DAB2IP: variants seen among roughly 807,000 people sequenced by gnomAD.
DAB2IP encodes DAB2 interacting protein.
In DAB2IP, 28 loss-of-function variants were observed where a neutral mutation model predicts 107.2. The observed-to-expected ratio is 0.26, with a 90% CI of 0.19 to 0.36. DAB2IP has a LOEUF of 0.36. Ranked by LOEUF, DAB2IP falls within the 10% of genes least tolerant of loss-of-function variation. The pLI, the probability that DAB2IP is intolerant of heterozygous loss-of-function variation, is 1.00. For missense variants in DAB2IP, 1,400 were observed against 1,644.7 expected, an observed-to-expected ratio of 0.85 and a Z score of 2.57; for synonymous variants, 755 against 706.4, an observed-to-expected ratio of 1.07 and a Z score of -1.09.
intron 1 of DAB2IP, among the ~76,000 whole-genome samples, chr9:121,669,119 CTGGCCAGGCTGAGTGT>C (rs1229386864): frequency 2.0e-5 from 3 of 151,878 alleles, no homozygotes; most frequent in African/African-American, 4.8e-5. Flanking sequence ...TTTTGCCATG[CTGGCCAGGCTGAGTGT>C]TGGCCAGGCT....
At chr9:121,671,065 C>T (rs935095422) in intron 1 of DAB2IP, among the ~76,000 whole-genome samples, 7 of 152,098 alleles carry the variant, frequency 4.6e-5, no homozygotes, top group Admixed American at 3.9e-4. Flanking sequence ...GCAGGAGAAC[C>T]GCTTGAACCT....
intron 3 of DAB2IP, among the ~76,000 whole-genome samples, chr9:121,741,655 T>A: frequency 6.6e-6 from 1 of 151,860 alleles, no homozygotes; most frequent in African/African-American, 2.4e-5. Context: ...TGCCTGGAAA[T>A]CACTGAGGGT....
rs1372656067 is a variant in DAB2IP at position 121,684,271 on chromosome 9, T to C, written c.228+5490T>C. ...CCCTATACAGAGGAGGGACTGAGAA[T>C]CATAGACGGGAGGGTCCTTTCCTGA... On this transcript the variant is annotated intron_variant, in intron 2 of 15. Coordinates refer to ENST00000408936, the Ensembl canonical transcript of DAB2IP. This position sits in a 1 kb window ranked among gnomAD's most constrained non-coding sequence, Gnocchi z 4.0. Among the ~76,000 whole-genome samples, 2 of 152,046 alleles carry C rather than the reference T, an allele frequency of 1.3e-5. No individual in the cohort carries two copies. The highest frequency in any genetic ancestry group is 2.9e-5 in the Non-Finnish European group (2 of 67,984).
At chr9:121,714,397 G>A (rs962979146) in intron 3 of DAB2IP, among the ~76,000 whole-genome samples, 4 of 152,234 alleles carry the variant, frequency 2.6e-5, no homozygotes, top group Non-Finnish European at 4.4e-5. Flanking sequence ...ACTCTGAGAA[G>A]GTGTTACTAC....
intron 1 of DAB2IP, among the ~76,000 whole-genome samples, chr9:121,668,269 T>C (rs1177326724): frequency 6.6e-6 from 1 of 150,460 alleles, no homozygotes; most frequent in East Asian, 2.0e-4. Context: ...CTCCACTCAC[T>C]GCAACCTCTG....
chr9:121,776,060 G>C lies in DAB2IP; in HGVS notation c.3121-138G>C, dbSNP rs903845039. On this transcript the variant is annotated intron_variant, in intron 13 of 15. Coordinates refer to ENST00000408936, the Ensembl canonical transcript of DAB2IP. This position sits in a 1 kb window ranked among gnomAD's most constrained non-coding sequence, Gnocchi z 5.4. Reference sequence around the variant, plus strand: ...AGCTGGGCTCCTTGGGCATCTCCTTGCTATGTGAAGTGGGCGGGTCACAGC... The same window carrying C: ...AGCTGGGCTCCTTGGGCATCTCCTTCCTATGTGAAGTGGGCGGGTCACAGC... The C allele has an allele frequency of 4.0e-6, 4 of 1,004,646 alleles. No homozygotes were observed. In the Admixed American group the frequency reaches 1.1e-4, roughly 28 times the overall value. 62.2% of individuals were successfully genotyped at this position (1,004,646 alleles called of 1,614,324 possible).
Position 121,632,659 on chromosome 9 carries a change from C to T in DAB2IP, c.41-46019C>T, listed in dbSNP as rs902306669. ...TCCATCTCATTCCAACACCTGGTGC[C>T]GTCTAACCCCGTTCTTTTCCTCCAG... On this transcript the variant is annotated intron_variant, in intron 1 of 16. Transcript: ENST00000259371. 2.6e-5 allele frequency among the ~76,000 whole-genome samples: 4 copies of T among 152,188 alleles called. No individual in the cohort carries two copies. In the East Asian group the frequency reaches 5.8e-4, roughly 22 times the overall value.
intron 3 of DAB2IP, among the ~76,000 whole-genome samples, chr9:121,711,519 G>A (rs963529521): frequency 6.6e-6 from 1 of 152,218 alleles, no homozygotes; most frequent in Non-Finnish European, 1.5e-5. Flanking sequence ...AGGAGCAGCT[G>A]TTAACATCTG....
intron 1 of DAB2IP, among the ~76,000 whole-genome samples, chr9:121,671,560 C>T (rs1833683738): frequency 6.6e-6 from 1 of 152,108 alleles, no homozygotes; most frequent in Non-Finnish European, 1.5e-5. Flanking sequence ...TTTAACCATT[C>T]ATCTATAGAA....
At chr9:121,783,461 G>C in exon 16 of DAB2IP, 1 of 1,613,374 alleles carries the variant, frequency 6.2e-7, no homozygotes, top group Non-Finnish European at 8.5e-7. Context: ...TCCTCTGAGT[G>C]ATGGTTTAAA....
intron 3 of DAB2IP, 51 bp from the exon 4 acceptor site, chr9:121,756,962 A>C (rs1398791944): frequency 9.3e-6 from 15 of 1,611,854 alleles, no homozygotes; most frequent in Non-Finnish European, 1.2e-5. Flanking sequence ...CATGGCAACC[A>C]GCTTGACCCG....
intron 1 of DAB2IP, among the ~76,000 whole-genome samples, chr9:121,656,430 T>A (rs1437349226): frequency 6.6e-6 from 1 of 152,248 alleles, no homozygotes; most frequent in Non-Finnish European, 1.5e-5. Flanking sequence ...AGTTTTCAAA[T>A]GTTCCCTGCA....
chr9:121,724,618 A>C (rs1218284535), intron 3 of DAB2IP, among the ~76,000 whole-genome samples: 1 of 152,278 alleles, frequency 6.6e-6, no homozygotes. Flanking sequence ...CGGGCCTGAC[A>C]GAAAGTTGGT....
In DAB2IP at chr9:121,731,896, GC is replaced by G. The variant is rs546446010; in HGVS notation, c.363-25115del. Among the ~76,000 whole-genome samples the G allele has an allele frequency of 2.2e-4, 34 of 152,290 alleles. No individual in the cohort carries two copies. The South Asian group carries it at 7.1e-3, about 32-fold the overall frequency. On this transcript the variant is annotated intron_variant, in intron 3 of 15. Coordinates refer to ENST00000408936, the Ensembl canonical transcript of DAB2IP. ...TCAGGAAGCATGCATGTGAACTTAG[GC>G]CTCGGACCTCGTGTAGACATGGTGT...
At chr9:121,649,278 G>T (rs1832655319), upstream of DAB2IP, among the ~76,000 whole-genome samples, 2 of 144,768 alleles carry the variant, frequency 1.4e-5, no homozygotes, top group African/African-American at 4.9e-5. Flanking sequence ...CTCCCTATAG[G>T]TAGGGAAACT....
chr9:121,747,897 G>A (rs1832829067), intron 3 of DAB2IP, among the ~76,000 whole-genome samples: 1 of 151,658 alleles, frequency 6.6e-6, no homozygotes, highest in African/African-American at 2.4e-5. Context: ...GATGTGGAAA[G>A]GTAAATGTGT....
exon 9 of DAB2IP, chr9:121,766,659 C>T: frequency 6.2e-7 from 1 of 1,614,148 alleles, no homozygotes; most frequent in Non-Finnish European, 8.5e-7. Context: ...TGCAGGAGTA[C>T]CCTGATGACC....
intron 3 of DAB2IP, among the ~76,000 whole-genome samples, chr9:121,704,299 T>A (rs1422830076): frequency 6.6e-6 from 1 of 152,138 alleles, no homozygotes; most frequent in Non-Finnish European, 1.5e-5. Context: ...TTTTTGAGAG[T>A]GCTTACCTGT....
chr9:121,641,923 T>TTC (rs1832314551), intron 1 of DAB2IP, among the ~76,000 whole-genome samples: 1 of 146,844 alleles, frequency 6.8e-6, no homozygotes, highest in South Asian at 2.2e-4. Context: ...CTTTCTTTCT[T>TTC]TCTTTCTTTC....
Sources: allele counts gnomAD v4.1 joint callset (sites outside exome capture counted in the v4.1 genomes callset), GRCh38; gene constraint gnomAD v4.1.1; non-coding constraint Gnocchi (gnomAD v3.1); transcripts MANE v1.5; gene names NCBI Gene and HGNC (gene_info 2026-07-23, HGNC 2026-07-21).